Variants in NSUN6 observed in about 807,000 individuals in gnomAD.
The protein encoded by NSUN6 is tRNA (cytosine(72)-C(5))-methyltransferase NSUN6.
Under a neutral mutation model 58.0 loss-of-function variants are expected in NSUN6, and 64 were observed. That is an observed-to-expected ratio of 1.10 (90% CI 0.90 to 1.36). NSUN6 has a LOEUF of 1.36. Ranked by LOEUF, NSUN6 falls within the 40% of genes most tolerant of loss-of-function variation. The pLI, the probability that NSUN6 is intolerant of heterozygous loss-of-function variation, is 0.00. For synonymous variants in NSUN6, 231 were observed against 193.9 expected (o/e 1.19, Z -1.59); for missense variants, 701 against 550.1 (o/e 1.27, Z -2.74).
chr10:18,634,597 AC>A (rs1301853853), intron 3 of NSUN6, among the ~76,000 whole-genome samples: 20 of 138,668 alleles, frequency 1.4e-4, no homozygotes, highest in African/African-American at 4.9e-4. Context: ...TAAAAAAAAT[AC>A]AAAAAAAAAA....
chr10:18,607,940 A>G (rs1002339033), intron 6 of NSUN6, among the ~76,000 whole-genome samples: 4 of 152,224 alleles, frequency 2.6e-5, no homozygotes, highest in Non-Finnish European at 5.9e-5. Flanking sequence ...ATGAAATAAT[A>G]TATGTAAAAC....
intron 3 of NSUN6, among the ~76,000 whole-genome samples, chr10:18,636,312 T>A (rs1303763206): frequency 1.3e-5 from 2 of 149,976 alleles, no homozygotes; most frequent in Non-Finnish European, 3.0e-5. Flanking sequence ...ACTGCATCCA[T>A]GTGAATTATA....
intron 6 of NSUN6, among the ~76,000 whole-genome samples, chr10:18,609,104 T>C (rs2131311857): frequency 6.6e-6 from 1 of 151,984 alleles, no homozygotes; most frequent in African/African-American, 2.4e-5. Context: ...AGGCCACGAG[T>C]TTGAGACCAG....
At chr10:18,645,928 T>A (rs2059532512) in intron 2 of NSUN6, among the ~76,000 whole-genome samples, 1 of 152,198 alleles carries the variant, frequency 6.6e-6, no homozygotes. Flanking sequence ...ATATATGGGA[T>A]TCACGCGTGT....
chr10:18,578,231 A>ATTTTG (rs2056751031), intron 8 of NSUN6, among the ~76,000 whole-genome samples: 1 of 121,158 alleles, frequency 8.3e-6, no homozygotes, highest in Admixed American at 9.5e-5. Context: ...CTCTAAGCCT[A>ATTTTG]TTTTTTTTTT....
intron 6 of NSUN6, among the ~76,000 whole-genome samples, chr10:18,601,627 G>T (rs933711076): frequency 6.6e-6 from 1 of 152,126 alleles, no homozygotes; most frequent in Non-Finnish European, 1.5e-5. Context: ...TTGGGGTTTG[G>T]GGTGAAGAAA....
Position 18,614,535 on chromosome 10 carries a change from C to T in NSUN6, c.500G>A (p.Gly167Glu). 6.5e-7 allele frequency: 1 copy of T among 1,542,114 alleles called. No homozygotes were observed. The change falls in exon 5 of 11, where the codon GGA becomes GAA. Residue 167 changes from glycine to glutamate, a missense_variant. Physicochemically the swap from Gly to Glu is moderately conservative, Grantham distance 98 (BLOSUM62 -2). Coordinates refer to ENST00000377304, the MANE Select transcript of NSUN6 (RefSeq NM_182543.5). ...CCCATTTCCAAGAAATACTTTTGTT[C>T]CATCAAATTCTTTGGCTCCTTTCTT... is the stretch of plus-strand genomic sequence containing the variant. ...KCKKGAKEFD[G>E]TKVFLGNGIS...
rs1174851127 is a variant in NSUN6, at chr10:18,609,929, G to GA, written c.576-4dup. On this transcript the variant is annotated splice_region_variant and splice_polypyrimidine_tract_variant and intron_variant, in intron 5 of 10. Transcript: ENST00000377304. ...CTGTCATTCTTATGCCCATGCCTCT[G>GA]AAAAATAGGAAATCTAACATTAGTC... is the stretch of plus-strand genomic sequence containing the variant. 7 of 1,554,634 alleles carry GA rather than the reference G, an allele frequency of 4.5e-6. No individual in the cohort carries two copies. The South Asian group carries it at 5.6e-5, about 12-fold the overall frequency.
At chr10:18,606,554 C>A in intron 6 of NSUN6, among the ~76,000 whole-genome samples, 1 of 152,176 alleles carries the variant, frequency 6.6e-6, no homozygotes, top group East Asian at 1.9e-4. Flanking sequence ...ACGTACCTAA[C>A]ATTCATAACG....
rs137864560 is a variant in NSUN6, at chr10:18,649,023, T to A, written c.76-378A>T. Among the ~76,000 whole-genome samples, 58 of 152,320 alleles carry A rather than the reference T, an allele frequency of 3.8e-4. 2 individuals are homozygous for A. The East Asian group carries it at 0.011, about 29-fold the overall frequency. On this transcript the variant is annotated intron_variant, in intron 1 of 10. Coordinates refer to ENST00000377304, the MANE Select transcript of NSUN6 (RefSeq NM_182543.5). ...CTGTAGAGCTAGCATTATATCCAAG[T>A]TAGTTGGACGTTAGCTAATTAGCTA...
At chr10:18,553,288 C>T (rs1047711033) in intron 8 of NSUN6, among the ~76,000 whole-genome samples, 8 of 151,700 alleles carry the variant, frequency 5.3e-5, no homozygotes, top group Non-Finnish European at 7.4e-5. Flanking sequence ...TTCTCTATTC[C>T]GTTCCGTTCT....
chr10:18,645,469 A>C lies in NSUN6; in HGVS notation c.232-2914T>G, dbSNP rs553072293. Among the ~76,000 whole-genome samples the C allele has an allele frequency of 1.3e-4, 20 of 152,336 alleles. No individual in the cohort carries two copies. The South Asian group carries it at 3.9e-3, about 30-fold the overall frequency. ...ATGCAAATATTCTAAAAGCTAAAAA[A>C]TCCAAAATTTGAAACAATACGTAGC... On this transcript the variant is annotated intron_variant, in intron 2 of 10. Coordinates refer to ENST00000377304, the MANE Select transcript of NSUN6 (RefSeq NM_182543.5).
intron 3 of NSUN6, among the ~76,000 whole-genome samples, chr10:18,621,005 G>C (rs186883465): frequency 6.6e-6 from 1 of 152,342 alleles, no homozygotes; most frequent in African/African-American, 2.4e-5. Flanking sequence ...TCTTTGAAAA[G>C]CCTGCTTACA....
At chr10:18,558,005 CATGA>C (rs988890299) in intron 8 of NSUN6, among the ~76,000 whole-genome samples, 13 of 139,578 alleles carry the variant, frequency 9.3e-5, no homozygotes, top group African/African-American at 3.5e-4. Context: ...ATGGGATGGA[CATGA>C]ATGGAGAATG....
At chr10:18,623,365 T>C (rs2058675930) in intron 3 of NSUN6, among the ~76,000 whole-genome samples, 1 of 152,110 alleles carries the variant, frequency 6.6e-6, no homozygotes, top group Admixed American at 6.5e-5. Flanking sequence ...AGAATAAAAA[T>C]CTGAGGAGAA....
At chr10:18,639,533 T>C (rs1358332844) in intron 3 of NSUN6, among the ~76,000 whole-genome samples, 1 of 151,978 alleles carries the variant, frequency 6.6e-6, no homozygotes, top group Non-Finnish European at 1.5e-5. Flanking sequence ...AAACAGATAC[T>C]TAATAAAAAT....
chr10:18,618,989 G>A (rs1564809586), intron 3 of NSUN6, among the ~76,000 whole-genome samples: 1 of 152,064 alleles, frequency 6.6e-6, no homozygotes, highest in South Asian at 2.1e-4. Context: ...ATATCACTCT[G>A]AACATGCCCG....
chr10:18,651,589 A>G (rs1378975093), upstream of NSUN6: 11 of 989,440 alleles, frequency 1.1e-5, no homozygotes, highest in African/African-American at 1.7e-5. Context: ...TTTTCTATCA[A>G]TTTCCAAACA....
At chr10:18,612,315 C>T (rs1219564948) in intron 5 of NSUN6, among the ~76,000 whole-genome samples, 1 of 152,112 alleles carries the variant, frequency 6.6e-6, no homozygotes, top group Non-Finnish European at 1.5e-5. Context: ...ACTAGCTACT[C>T]AGAGGCTGAA....
Sources: gnomAD v4.1 joint callset for allele counts (sites outside exome capture counted in the v4.1 genomes callset) on GRCh38, gnomAD v4.1.1 for gene constraint, MANE v1.5 for transcripts, NCBI Gene and HGNC (gene_info 2026-07-23, HGNC 2026-07-21) for gene names.